Variants in DHRS2 observed in about 807,000 individuals in gnomAD.
The protein encoded by DHRS2 is dehydrogenase/reductase 2, also known as dehydrogenase/reductase SDR family member 2, mitochondrial.
A neutral mutation model predicts 26.3 loss-of-function variants in DHRS2; 29 were observed. The ratio of observed to expected loss-of-function variants is 1.10; its 90% CI spans 0.82 to 1.50. The LOEUF is 1.50. Among genes scored for constraint, DHRS2 ranks in the 40% most tolerant of loss-of-function variants. The probability of loss-of-function intolerance (pLI) is 0.00; values close to 1 mark genes in which losing one functional copy is unlikely to be tolerated. For missense variants in DHRS2, 439 were observed against 367.1 expected, an observed-to-expected ratio of 1.20 and a Z score of -1.60; for synonymous variants, 164 against 151.3, an observed-to-expected ratio of 1.08 and a Z score of -0.62.
At chr14:23,633,221 G>A (rs114028345), upstream of DHRS2, among the ~76,000 whole-genome samples, 1 of 152,264 alleles carries the variant, frequency 6.6e-6, no homozygotes, top group Non-Finnish European at 1.5e-5. Context: ...GAGGCACACC[G>A]TTCCCTTCTG....
Position 23,645,295 on chromosome 14 carries a change from G to A in DHRS2, c.*42G>A, listed in dbSNP as rs1890834844. ...TGCGTAGCTGTGGTCCCAGGCCCAGGAGCCTGAGGGGGTGTCTAGGTGATC... is the reference window on the plus strand; with the variant it reads ...TGCGTAGCTGTGGTCCCAGGCCCAGAAGCCTGAGGGGGTGTCTAGGTGATC... On this transcript the variant is annotated 3_prime_UTR_variant, in exon 9 of 9. Coordinates refer to ENST00000250383, the MANE Select transcript of DHRS2 (RefSeq NM_005794.4). 1.2e-6 allele frequency: 2 copies of A among 1,613,284 alleles called. No homozygotes were observed. The highest frequency in any genetic ancestry group is 8.5e-7 in the Non-Finnish European group (1 of 1,180,030).
upstream of DHRS2, among the ~76,000 whole-genome samples, chr14:23,633,483 C>G (rs1018211915): frequency 6.6e-6 from 1 of 152,148 alleles, no homozygotes; most frequent in Admixed American, 6.5e-5. Context: ...AGCCTGTTCC[C>G]CTTGACAGGA....
At chr14:23,632,643 T>G (rs182043221), upstream of DHRS2, among the ~76,000 whole-genome samples, 22 of 152,090 alleles carry the variant, frequency 1.4e-4, no homozygotes, top group African/African-American at 5.1e-4. Flanking sequence ...GACCCCTAAC[T>G]CGAAGGAACT....
intron 4 of DHRS2, chr14:23,641,189 T>C (rs1343502312): frequency 6.2e-6 from 1 of 160,756 alleles, no homozygotes; most frequent in Non-Finnish European, 1.4e-5. Flanking sequence ...ATTTACCAGA[T>C]GCTCTGCTTT....
intron 4 of DHRS2, chr14:23,640,315 C>T (rs1890590722): frequency 1.0e-6 from 1 of 985,598 alleles, no homozygotes; most frequent in Non-Finnish European, 1.2e-6. Context: ...GTGACCTGTG[C>T]CTGTAGCGGA....
In DHRS2 at chr14:23,645,299, C is replaced by T. The variant is rs769588839; in HGVS notation, c.*46C>T. ...TAGCTGTGGTCCCAGGCCCAGGAGC[C>T]TGAGGGGGTGTCTAGGTGATCATTT... On this transcript the variant is annotated 3_prime_UTR_variant, in exon 9 of 9. Transcript: ENST00000250383. The T allele has an allele frequency of 1.1e-5, 18 of 1,612,896 alleles. No individual in the cohort carries two copies. The highest frequency in any genetic ancestry group is 7.7e-5 in the South Asian group (7 of 91,076).
rs1890552896 is a variant in DHRS2, at chr14:23,639,799, G to A, written c.324G>A (p.Leu108=). 1 of 1,607,926 alleles carries A rather than the reference G, an allele frequency of 6.2e-7. No homozygotes were observed. The highest frequency in any genetic ancestry group is 8.5e-7 in the Non-Finnish European group (1 of 1,176,806). Residue 108 remains leucine, a synonymous_variant, in exon 4 of 9, where the codon CTG becomes CTA. Coordinates refer to ENST00000250383, the MANE Select transcript of DHRS2 (RefSeq NM_005794.4). The part of the protein sequence containing the change: ...EDREQLVAKA[L]EHCGGVDFLV... Reference sequence around the variant, plus strand: ...ATCCAATCTCCTCTCCGCAGGCCCTGGAGCACTGTGGGGGCGTCGACTTCC... The same window carrying A: ...ATCCAATCTCCTCTCCGCAGGCCCTAGAGCACTGTGGGGGCGTCGACTTCC...
intron 4 of DHRS2, chr14:23,641,637 T>C: frequency 7.8e-7 from 1 of 1,289,844 alleles, no homozygotes; most frequent in African/African-American, 1.5e-5. Context: ...CCCTTACAGC[T>C]AACCTAATCC....
At chr14:23,638,249 A>G (rs187606878) in intron 1 of DHRS2, 130 of 150,956 alleles carry the variant, frequency 8.6e-4, no homozygotes, top group Non-Finnish European at 9.9e-4. Context: ...GGAATGAACA[A>G]CTCCGGACGG....
intron 5 of DHRS2, 104 bp downstream of exon 5, chr14:23,643,323 T>G (rs1594248385): frequency 9.6e-7 from 1 of 1,037,086 alleles, no homozygotes; most frequent in South Asian, 1.4e-5. Context: ...ACAGAAGAGG[T>G]CTGGGATCTC....
chr14:23,643,009 C>A, intron 4 of DHRS2, 143 bp from the exon 5 acceptor site: 1 of 769,286 alleles, frequency 1.3e-6, no homozygotes, highest in Non-Finnish European at 2.2e-6. Context: ...CCTCTTGCAC[C>A]AGTCAGAAGG....
At chr14:23,641,535 G>T in intron 4 of DHRS2, 1 of 1,175,262 alleles carries the variant, frequency 8.5e-7, no homozygotes, top group Non-Finnish European at 1.1e-6. Flanking sequence ...AGTCCAGGAG[G>T]GGTCTTACCT....
In DHRS2 at chr14:23,645,091, C is replaced by A. The variant is rs745408701; in HGVS notation, c.732-51C>A. The A allele has an allele frequency of 9.3e-6, 15 of 1,609,932 alleles. No individual in the cohort carries two copies. The South Asian group carries it at 1.3e-4, about 14-fold the overall frequency. ...CACCTGTCATCCGTGAGCCCCAGAG[C>A]AGCAGAATCAGAGTACAAGATGCTT... is the stretch of plus-strand genomic sequence containing the variant. On this transcript the variant is annotated intron_variant, in intron 8 of 8. Transcript: ENST00000250383.
chr14:23,640,970 CTT>C (rs1397413400), intron 4 of DHRS2: 1 of 152,286 alleles, frequency 6.6e-6, no homozygotes, highest in Non-Finnish European at 1.5e-5. Context: ...GATCATGACT[CTT>C]TTTCTCGAAA....
intron 6 of DHRS2, 95 bp downstream of exon 6, chr14:23,644,257 AC>A (rs1890783069): frequency 6.4e-7 from 1 of 1,563,854 alleles, no homozygotes; most frequent in Non-Finnish European, 8.8e-7. Flanking sequence ...CCTGGGACAG[AC>A]CCCCACCATC....
upstream of DHRS2, among the ~76,000 whole-genome samples, chr14:23,631,768 G>T (rs17095178): frequency 6.6e-6 from 1 of 152,072 alleles, no homozygotes; most frequent in Non-Finnish European, 1.5e-5. Context: ...CAATTCTGCT[G>T]CAGCTGACCG....
chr14:23,641,628 C>A (rs745549434), intron 4 of DHRS2: 6 of 1,289,680 alleles, frequency 4.7e-6, no homozygotes, highest in South Asian at 3.7e-5. Flanking sequence ...ACCAGGAAAC[C>A]CTTACAGCTA....
At chr14:23,645,051 C>T (rs1037836193) in intron 8 of DHRS2, 91 bp from the exon 9 acceptor site, 1 of 1,593,450 alleles carries the variant, frequency 6.3e-7, no homozygotes, top group African/African-American at 1.3e-5. Context: ...CCTTGTTCCC[C>T]ATGGAGCCCA....
chr14:23,633,623 A>G (rs546557726), upstream of DHRS2, among the ~76,000 whole-genome samples: 1 of 152,234 alleles, frequency 6.6e-6, no homozygotes, highest in Non-Finnish European at 1.5e-5. Context: ...CCTGGGCCCC[A>G]AGAGGGAGGA....
Sources: allele counts gnomAD v4.1 joint callset (sites outside exome capture counted in the v4.1 genomes callset), GRCh38; gene constraint gnomAD v4.1.1; transcripts MANE v1.5; gene names NCBI Gene and HGNC (gene_info 2026-07-23, HGNC 2026-07-21).